The following FEM1B variants were observed in gnomAD, a reference collection of about 807,000 sequenced individuals.
FEM1B encodes the protein protein fem-1 homolog B.
In FEM1B, 10 loss-of-function variants were observed where a neutral mutation model predicts 38.6. The observed-to-expected ratio is 0.26, with a 90% CI of 0.16 to 0.44. FEM1B has a LOEUF of 0.44. FEM1B is among the 20% of genes least tolerant of loss of function. The pLI is 1.00. For missense variants in FEM1B, 471 were observed against 786.7 expected, an observed-to-expected ratio of 0.60 and a Z score of 4.80; for synonymous variants, 288 against 288.0, an observed-to-expected ratio of 1.00 and a Z score of 0.00.
At position 68,281,783 on chromosome 15, in the gene FEM1B, A is replaced by G. The variant is rs1359343830; in HGVS notation, c.248+3118A>G. On this transcript the variant is annotated intron_variant, in intron 1 of 1. Transcript: ENST00000306917. The surrounding 1 kb of genome is among the most constrained non-coding windows in gnomAD (Gnocchi z 5.1). ...CAGGTGCCCACAACCATGCCTGGCT[A>G]TTTTTTGTATTTTTAGTAGAGACGG... Among the ~76,000 whole-genome samples the G allele has an allele frequency of 1.3e-5, 2 of 150,944 alleles. No homozygotes were observed. The highest frequency in any genetic ancestry group is 2.1e-4 in the South Asian group (1 of 4,826).
rs910161177 is a variant in FEM1B at position 68,284,564 on chromosome 15, C to T, written c.249-5043C>T. On this transcript the variant is annotated intron_variant, in intron 1 of 1. Coordinates refer to ENST00000306917, the MANE Select transcript of FEM1B (RefSeq NM_015322.5). The surrounding 1 kb of genome is among the most constrained non-coding windows in gnomAD (Gnocchi z 4.4). ...TAGTAAAGTACATGAATCTTGTGTACAATACTGTACAATGAATTTTTAATA... is the reference window on the plus strand; with the variant it reads ...TAGTAAAGTACATGAATCTTGTGTATAATACTGTACAATGAATTTTTAATA... 7.2e-5 allele frequency among the ~76,000 whole-genome samples: 11 copies of T among 151,942 alleles called. No individual in the cohort carries two copies. The highest frequency in any genetic ancestry group is 1.3e-4 in the Non-Finnish European group (9 of 68,012).
chr15:68,283,446 T>C (rs1055710864), intron 1 of FEM1B, among the ~76,000 whole-genome samples: 1 of 147,748 alleles, frequency 6.8e-6, no homozygotes, highest in Non-Finnish European at 1.5e-5. Context: ...GGGATATCAT[T>C]TGAGCTCAGG....
Position 68,295,544 on chromosome 15 carries a change from ATCC to A in FEM1B, c.*4306_*4308del, listed in dbSNP as rs1451525160. On this transcript the variant is annotated 3_prime_UTR_variant, in exon 2 of 2. Transcript: ENST00000306917. The stretch of plus-strand genomic sequence containing the variant: ...CCTGTCCTTTTCACCCCATCCTGCA[ATCC>A]TCCGTGCAGAGGAACTACACTGTTG... The A allele has an allele frequency of 1.3e-5, 2 of 152,140 alleles. No individual in the cohort carries two copies. Among genetic ancestry groups the A allele is most frequent in the African/African-American group, 4.8e-5 (2 of 41,422 alleles). 9.4% of individuals were successfully genotyped at this position (152,140 alleles called of 1,614,324 possible).
intron 1 of FEM1B, among the ~76,000 whole-genome samples, chr15:68,279,332 G>A (rs189046576): frequency 2.6e-5 from 4 of 152,350 alleles, no homozygotes; most frequent in Admixed American, 2.6e-4. Flanking sequence ...ATCCCGTGAT[G>A]TTGTGGGGAA....
rs1892890390 is a variant in FEM1B, at chr15:68,295,089, T to C, written c.*3847T>C. 1 of 152,174 alleles carries C rather than the reference T, an allele frequency of 6.6e-6. No individual in the cohort carries two copies. The highest frequency in any genetic ancestry group is 1.5e-5 in the Non-Finnish European group (1 of 68,028). 9.4% of individuals were successfully genotyped at this position (152,174 alleles called of 1,614,324 possible). On this transcript the variant is annotated 3_prime_UTR_variant, in exon 2 of 2. Transcript: ENST00000306917. ...TCTGAAATAAATACTACACTATTGA[T>C]AGTGGAGATATATTAATTTTTAAAA...
In FEM1B at chr15:68,285,984, A is replaced by G. The variant is rs1445818920; in HGVS notation, c.249-3623A>G. ...ATTGTGATCAACACTAAATTCATTA[A>G]GAATAGTCTATGGCTTTTTTTTTAT... On this transcript the variant is annotated intron_variant, in intron 1 of 1. Transcript: ENST00000306917. 2.6e-5 allele frequency among the ~76,000 whole-genome samples: 4 copies of G among 151,658 alleles called. No homozygotes were observed. In the East Asian group the frequency reaches 7.7e-4, roughly 29 times the overall value.
chr15:68,279,379 A>G (rs1036286649), intron 1 of FEM1B, among the ~76,000 whole-genome samples: 6 of 152,346 alleles, frequency 3.9e-5, no homozygotes, highest in East Asian at 3.9e-4. Flanking sequence ...TGGGAAGTTT[A>G]AAAATGCACA....
In FEM1B at chr15:68,290,377, A is replaced by G. The variant is rs144468118; in HGVS notation, c.1019A>G (p.Asn340Ser). 55 of 1,614,188 alleles carry G rather than the reference A, an allele frequency of 3.4e-5. No individual in the cohort carries two copies. The highest frequency in any genetic ancestry group is 4.6e-5 in the Non-Finnish European group (54 of 1,180,018). The change falls in exon 2 of 2, where the codon AAT becomes AGT. Residue 340 changes from asparagine to serine, a missense_variant. Asn to Ser is a conservative substitution (Grantham distance 46). Transcript: ENST00000306917. The surrounding 1 kb of genome is among the most constrained non-coding windows in gnomAD (Gnocchi z 9.7). ...IVRERILGAD[N>S]IDVSHPIIYR... is the part of the protein sequence containing the mutation. ...CGGGAACGGATTTTAGGTGCTGACA[A>G]TATTGATGTTTCTCATCCCATCATT...
chr15:68,294,685 GTAAA>G lies in FEM1B; in HGVS notation c.*3445_*3448del, dbSNP rs1270588633. The G allele has an allele frequency of 3.9e-5, 6 of 152,088 alleles. No individual in the cohort carries two copies. Among genetic ancestry groups the G allele is most frequent in the African/African-American group, 7.2e-5 (3 of 41,482 alleles). 9.4% of individuals were successfully genotyped at this position (152,088 alleles called of 1,614,324 possible). A position where few individuals can be genotyped will look rare whatever the true frequency, so the allele number is the denominator to read the frequency against. ...AAACAGCCAGTGGCTGAATTAGTGA[GTAAA>G]TGAATGAAAGTATAAAGGACTTGTT... On this transcript the variant is annotated 3_prime_UTR_variant, in exon 2 of 2. Transcript: ENST00000306917. This position sits in a 1 kb window ranked among gnomAD's most constrained non-coding sequence, Gnocchi z 4.4.
At chr15:68,286,344 T>C (rs1892785881) in intron 1 of FEM1B, among the ~76,000 whole-genome samples, 1 of 152,174 alleles carries the variant, frequency 6.6e-6, no homozygotes, top group Non-Finnish European at 1.5e-5. Flanking sequence ...CATTTCCATA[T>C]TCTTTTTTGA....
intron 1 of FEM1B, among the ~76,000 whole-genome samples, chr15:68,282,792 G>A (rs921763514): frequency 3.9e-5 from 6 of 151,996 alleles, no homozygotes; most frequent in Non-Finnish European, 8.8e-5. Context: ...TTTGTTTTGA[G>A]GCAGTATAGT....
At position 68,295,606 on chromosome 15, in the gene FEM1B, C is replaced by G. The variant is rs540735559; in HGVS notation, c.*4364C>G. ...TAATTCACTGTGATTTATAACAAAC[C>G]GGTGATGTCATTCTATTGTGCACTT... is the stretch of plus-strand genomic sequence containing the variant. On this transcript the variant is annotated 3_prime_UTR_variant, in exon 2 of 2. Transcript: ENST00000306917. 1 of 152,146 alleles carries G rather than the reference C, an allele frequency of 6.6e-6. No individual in the cohort carries two copies. The highest frequency in any genetic ancestry group is 2.4e-5 in the African/African-American group (1 of 41,430). The allele number at this position is 152,146 out of a possible 1,614,324, so 9.4% of individuals were successfully genotyped here.
Position 68,278,885 on chromosome 15 carries a change from C to T in FEM1B, c.248+220C>T, listed in dbSNP as rs1892696989. ...CTCATCAGCCCCTACCCCTCATTCC[C>T]TCTGTGGGAAGATAACCACACCCTC... is the stretch of plus-strand genomic sequence containing the variant. On this transcript the variant is annotated intron_variant, in intron 1 of 1. Transcript: ENST00000306917. This position sits in a 1 kb window ranked among gnomAD's most constrained non-coding sequence, Gnocchi z 5.7. 6.6e-6 allele frequency among the ~76,000 whole-genome samples: 1 copy of T among 152,178 alleles called. No homozygotes were observed. The highest frequency in any genetic ancestry group is 6.5e-5 in the Admixed American group (1 of 15,278).
rs1401110437 is a variant in FEM1B, at chr15:68,290,616, C to G, written c.1258C>G (p.Gln420Glu). ...VLRCSVLEIE[Q>E]SMNRVKNISD... ...GAGATGCAGTGTTTTGGAAATAGAA[C>G]AAAGTATGAACAGAGTGAAAAATAT... Residue 420 changes from glutamine to glutamate, a missense_variant, in exon 2 of 2, where the codon CAA (glutamine) becomes GAA (glutamate). Gln to Glu is a conservative substitution (Grantham distance 29). This residue lies in a region of FEM1B where 380 missense variants were observed against 599.6 expected (regional missense o/e 0.63). Coordinates refer to ENST00000306917, the MANE Select transcript of FEM1B (RefSeq NM_015322.5). This position sits in a 1 kb window ranked among gnomAD's most constrained non-coding sequence, Gnocchi z 9.7. 3 of 1,614,132 alleles carry G rather than the reference C, an allele frequency of 1.9e-6. No homozygotes were observed. The highest frequency in any genetic ancestry group is 2.5e-6 in the Non-Finnish European group (3 of 1,179,978).
rs1168062898 is a variant in FEM1B, at chr15:68,292,698, A to T, written c.*1456A>T. ...ATGTAGCAGCATCAGATATAAACTTAAAAAAAAAGGTTTCAATTAACATTT... is the reference window on the plus strand; with the variant it reads ...ATGTAGCAGCATCAGATATAAACTTTAAAAAAAAGGTTTCAATTAACATTT... On this transcript the variant is annotated 3_prime_UTR_variant, in exon 2 of 2. Transcript: ENST00000306917. 2.0e-5 allele frequency: 3 copies of T among 149,074 alleles called. No individual in the cohort carries two copies. The highest frequency in any genetic ancestry group is 3.0e-5 in the Non-Finnish European group (2 of 67,570). 9.2% of individuals were successfully genotyped at this position (149,074 alleles called of 1,614,324 possible).
At chr15:68,282,401 T>C (rs1239558328) in intron 1 of FEM1B, among the ~76,000 whole-genome samples, 1 of 152,258 alleles carries the variant, frequency 6.6e-6, no homozygotes, top group Admixed American at 6.5e-5. Context: ...TTTCATGTAA[T>C]ACATGATTTT....
chr15:68,281,648 C>T lies in FEM1B; in HGVS notation c.248+2983C>T, dbSNP rs1008786679. ...ACTTTTTTTTTTTGAGACGGAGTCT[C>T]GCTCTGTCGCCGGGGCTGGAGTGCA... On this transcript the variant is annotated intron_variant, in intron 1 of 1. Coordinates refer to ENST00000306917, the MANE Select transcript of FEM1B (RefSeq NM_015322.5). This position sits in a 1 kb window ranked among gnomAD's most constrained non-coding sequence, Gnocchi z 5.1. Among the ~76,000 whole-genome samples, 7 of 151,960 alleles carry T rather than the reference C, an allele frequency of 4.6e-5. No homozygotes were observed. The highest frequency in any genetic ancestry group is 1.9e-4 in the East Asian group (1 of 5,186).
chr15:68,289,528 G>T lies in FEM1B; in HGVS notation c.249-79G>T. 1.0e-6 allele frequency: 1 copy of T among 955,486 alleles called. No individual in the cohort carries two copies. 59.2% of individuals were successfully genotyped at this position (955,486 alleles called of 1,614,324 possible). On this transcript the variant is annotated intron_variant, in intron 1 of 1. Coordinates refer to ENST00000306917, the MANE Select transcript of FEM1B (RefSeq NM_015322.5). The surrounding 1 kb of genome is among the most constrained non-coding windows in gnomAD (Gnocchi z 6.9). ...TGTTCTGGAGAGTGAGGTCTTGGTC[G>T]GTGGGAGTGAATACATCCCTTAAAC...
chr15:68,288,120 A>G lies in FEM1B; in HGVS notation c.249-1487A>G, dbSNP rs1021350484. On this transcript the variant is annotated intron_variant, in intron 1 of 1. Coordinates refer to ENST00000306917, the MANE Select transcript of FEM1B (RefSeq NM_015322.5). The surrounding 1 kb of genome is among the most constrained non-coding windows in gnomAD (Gnocchi z 4.6). ...ACTGAGATGATAGGCGTGAGCCACC[A>G]TGCCAGGCCTAACGCCTCTTGTGTG... is the stretch of plus-strand genomic sequence containing the variant. 9.2e-5 allele frequency among the ~76,000 whole-genome samples: 14 copies of G among 152,212 alleles called. No individual in the cohort carries two copies. Among genetic ancestry groups the G allele is most frequent in the African/African-American group, 3.1e-4 (13 of 41,450 alleles).
Sources: allele counts gnomAD v4.1 joint callset (sites outside exome capture counted in the v4.1 genomes callset), GRCh38; gene constraint gnomAD v4.1.1; regional missense constraint gnomAD v4.1.1; non-coding constraint Gnocchi (gnomAD v3.1); transcripts MANE v1.5; gene names NCBI Gene and HGNC (gene_info 2026-07-23, HGNC 2026-07-21).